LRP2: variants seen among roughly 807,000 people sequenced by gnomAD.
LRP2 encodes the protein LDL receptor related protein 2, also known as low-density lipoprotein receptor-related protein 2.
LRP2 carries 172 observed loss-of-function variants against 531.0 expected under a neutral mutation model. That is an observed-to-expected ratio of 0.32 (90% CI 0.29 to 0.37). The LOEUF (loss-of-function observed/expected upper bound fraction) is 0.37. Among genes scored for constraint, LRP2 ranks in the 10% least tolerant of loss-of-function variants. The probability of loss-of-function intolerance (pLI) is 1.00; values close to 1 mark genes in which losing one functional copy is unlikely to be tolerated. For missense variants in LRP2, 5,167 were observed against 5,868.3 expected (o/e 0.88, Z 3.90); for synonymous variants, 1,992 against 2,027.6 (o/e 0.98, Z 0.47).
At chr2:169,174,945 A>G (rs1459323872) in intron 55 of LRP2, among the ~76,000 whole-genome samples, 9 of 150,492 alleles carry the variant, frequency 6.0e-5, no homozygotes, top group Non-Finnish European at 1.2e-4. Flanking sequence ...TGCCCAGCAC[A>G]TGGTGAAGAG....
At chr2:169,243,316 G>A in intron 23 of LRP2, 87 bp downstream of exon 23, 1 of 1,508,662 alleles carries the variant, frequency 6.6e-7, no homozygotes. Context: ...GCCCCGGTGT[G>A]TGATGTTCCC....
intron 3 of LRP2, among the ~76,000 whole-genome samples, chr2:169,308,743 T>C (rs575462109): frequency 5.5e-4 from 83 of 152,200 alleles, no homozygotes; most frequent in Non-Finnish European, 1.0e-3. Flanking sequence ...TACTCAGTAA[T>C]GGGATGGCTG....
intron 1 of LRP2, among the ~76,000 whole-genome samples, chr2:169,345,585 AAT>A (rs1240405394): frequency 6.6e-6 from 1 of 152,176 alleles, no homozygotes; most frequent in Non-Finnish European, 1.5e-5. Context: ...TGGCTACACA[AAT>A]ATATACATGC....
chr2:169,359,567 G>T (rs1206702695), intron 1 of LRP2, among the ~76,000 whole-genome samples: 1 of 152,092 alleles, frequency 6.6e-6, no homozygotes, highest in Non-Finnish European at 1.5e-5. Context: ...ATTAAGTCAG[G>T]ATCATTACAA....
chr2:169,299,082 AGAAG>A (rs57008296), intron 4 of LRP2, among the ~76,000 whole-genome samples: 46,498 of 95,040 alleles, frequency 0.49, 12,969 homozygotes, highest in Middle Eastern at 0.66. Flanking sequence ...AAAGAAAGAA[AGAAG>A]GAAAGAAAGA....
At chr2:169,225,526 T>G (rs1689172056) in intron 32 of LRP2, 73 bp from the exon 33 acceptor site, 3 of 1,541,406 alleles carry the variant, frequency 1.9e-6, no homozygotes, top group Non-Finnish European at 2.7e-6. Context: ...TTCTTCACTG[T>G]GGCTACTGCC....
In LRP2 at chr2:169,294,736, A is replaced by G. The variant is rs555788806; in HGVS notation, c.428-26T>C. 5.2e-4 allele frequency: 721 copies of G among 1,377,016 alleles called. 8 individuals carry two copies. The African/African-American group carries it at 9.4e-3, about 18-fold the overall frequency. 85.3% of individuals were successfully genotyped at this position (1,377,016 alleles called of 1,614,324 possible). A position where few individuals can be genotyped will look rare whatever the true frequency, so the allele number is the denominator to read the frequency against. On this transcript the variant is annotated intron_variant, in intron 4 of 78. Coordinates refer to ENST00000649046, the MANE Select transcript of LRP2 (RefSeq NM_004525.3). ...CTATTGTAAAAAAAAAAAAAAAAAA[A>G]AAAAGGAAAAGGAAACAGTAAACAA... is the stretch of plus-strand genomic sequence containing the variant.
Position 169,280,344 on chromosome 2 carries a change from A to G in LRP2, c.1341+6T>C, listed in dbSNP as rs1397954783. 3 of 1,613,942 alleles carry G rather than the reference A, an allele frequency of 1.9e-6. No homozygotes were observed. The highest frequency in any genetic ancestry group is 2.2e-5 in the East Asian group (1 of 44,892). ...GTTCCATTCAGCTACTGAAATTTCT[A>G]TTTACCTTATTTTGCACGGTGTCTG... On this transcript the variant is annotated splice_donor_region_variant and intron_variant, in intron 11 of 78. Coordinates refer to ENST00000649046, the MANE Select transcript of LRP2 (RefSeq NM_004525.3).
rs150306330 is a variant in LRP2 at position 169,174,023 on chromosome 2, G to A, written c.10910C>T (p.Pro3637Leu). Residue 3637 changes from proline to leucine, a missense_variant, in exon 56 of 79, where the codon CCG (proline) becomes CTG (leucine). Around this residue, in one of 6 missense-constraint regions of LRP2, gnomAD observed 311 missense variants for 309.4 expected, o/e 1.01. Coordinates refer to ENST00000649046, the MANE Select transcript of LRP2 (RefSeq NM_004525.3). The part of the protein sequence containing the change: ...SSHCASRTCR[P>L]GQFRCANGRC... ...GCCATTAGCACACCGAAACTGGCCC[G>A]GCCGGCAGGTCCTGCTGGCACAGTG... The A allele has an allele frequency of 2.7e-4, 443 of 1,614,070 alleles. No homozygotes were observed. The highest frequency in any genetic ancestry group is 3.5e-4 in the Non-Finnish European group (418 of 1,180,036).
At chr2:169,193,917 G>C in intron 46 of LRP2, 25 bp from the exon 47 acceptor site, 2 of 1,613,904 alleles carry the variant, frequency 1.2e-6, no homozygotes, top group East Asian at 4.5e-5. Context: ...AGCATTCTCA[G>C]TGAAAAAAAG....
chr2:169,182,193 T>C lies in LRP2; in HGVS notation c.9972A>G (p.Arg3324=), dbSNP rs139059738. 9 of 1,613,990 alleles carry C rather than the reference T, an allele frequency of 5.6e-6. No individual in the cohort carries two copies. Among genetic ancestry groups the C allele is most frequent in the Non-Finnish European group, 7.6e-6 (9 of 1,180,000 alleles). The change falls in exon 51 of 79, where the codon AGA becomes AGG. Residue 3324 remains arginine, a synonymous_variant. Transcript: ENST00000649046. ...ANNTFCFDNP[R]GLALHPQYGY... is the part of the protein sequence containing the mutation. ...CATATTGAGGGTGAAGGGCAAGTCC[T>C]CTGGGATTATCAAAGCAGAAGGTGT...
At chr2:169,160,920 T>C (rs1241600142) in intron 63 of LRP2, among the ~76,000 whole-genome samples, 3 of 152,232 alleles carry the variant, frequency 2.0e-5, no homozygotes, top group Admixed American at 6.5e-5. Flanking sequence ...TATGGCTGGT[T>C]ATTCATACCT....
At chr2:169,340,263 A>C (rs1284780057) in intron 1 of LRP2, among the ~76,000 whole-genome samples, 2 of 152,028 alleles carry the variant, frequency 1.3e-5, no homozygotes, top group Non-Finnish European at 2.9e-5. Flanking sequence ...TAAGGTTCAA[A>C]TTTTCTATGC....
At chr2:169,276,429 A>G (rs1008720324) in intron 13 of LRP2, among the ~76,000 whole-genome samples, 7 of 152,176 alleles carry the variant, frequency 4.6e-5, no homozygotes, top group Admixed American at 6.6e-5. Flanking sequence ...ATATAATATA[A>G]TGCTAAAACA....
In LRP2 at chr2:169,244,739, A is replaced by G. The variant is rs1456333087; in HGVS notation, c.3384T>C (p.Cys1128=). 6.8e-6 allele frequency: 11 copies of G among 1,614,236 alleles called. No individual in the cohort carries two copies. Among genetic ancestry groups the G allele is most frequent in the Non-Finnish European group, 9.3e-6 (11 of 1,180,038 alleles). ...CATCCCCACAATCATTGTCTGTGTC[A>G]CAGACCCAGTTCTTTGAGATACACT... ...NHQCISKNWV[C]DTDNDCGDGS... Residue 1128 remains cysteine (C), a synonymous_variant, in exon 22 of 79, where the codon TGT becomes TGC. Transcript: ENST00000649046.
intron 1 of LRP2, among the ~76,000 whole-genome samples, chr2:169,333,683 A>G (rs1685326197): frequency 6.6e-6 from 1 of 152,238 alleles, no homozygotes; most frequent in Non-Finnish European, 1.5e-5. Flanking sequence ...TCTGTAAAGA[A>G]GGACCTATTA....
chr2:169,212,260 C>T, intron 36 of LRP2, 53 bp from the exon 37 acceptor site: 1 of 1,612,734 alleles, frequency 6.2e-7, no homozygotes, highest in Non-Finnish European at 8.5e-7. Context: ...ACTCGCCACC[C>T]CATCTCAAAT....
chr2:169,189,402 T>C (rs12466068), intron 48 of LRP2, among the ~76,000 whole-genome samples: 3,279 of 152,304 alleles, frequency 0.022, 44 homozygotes, highest in Non-Finnish European at 0.031. Context: ...TGGCTCAGCT[T>C]CATTTGGTCT....
intron 27 of LRP2, 113 bp downstream of exon 27, chr2:169,237,978 G>A: frequency 3.5e-6 from 3 of 856,208 alleles, no homozygotes; most frequent in Non-Finnish European, 5.9e-6. Context: ...GGCCCAGAAG[G>A]TACCATGAGA....
Sources: allele counts gnomAD v4.1 joint callset (sites outside exome capture counted in the v4.1 genomes callset), GRCh38; gene constraint gnomAD v4.1.1; regional missense constraint gnomAD v4.1.1; transcripts MANE v1.5; gene names NCBI Gene and HGNC (gene_info 2026-07-23, HGNC 2026-07-21).